Variants in ATP8A2 observed in about 807,000 individuals in gnomAD.
ATP8A2 encodes ATPase phospholipid transporting 8A2, also known as phospholipid-transporting ATPase IB.
A neutral mutation model predicts 165.6 loss-of-function variants in ATP8A2; 100 were observed. That is an observed-to-expected ratio of 0.60 (90% CI 0.51 to 0.71). ATP8A2 has a LOEUF of 0.71. Among genes scored for constraint, ATP8A2 ranks in the 30% least tolerant of loss-of-function variants. The pLI, the probability that ATP8A2 is intolerant of heterozygous loss-of-function variation, is 0.00. For synonymous variants in ATP8A2, 543 were observed against 548.8 expected, an observed-to-expected ratio of 0.99 and a Z score of 0.15; for missense variants, 1,227 against 1,479.5, an observed-to-expected ratio of 0.83 and a Z score of 2.80.
chr13:25,378,365 G>A (rs1188066698), intron 1 of ATP8A2, among the ~76,000 whole-genome samples: 1 of 130,554 alleles, frequency 7.7e-6, no homozygotes, highest in African/African-American at 2.9e-5. Context: ...TTTTTTTTTT[G>A]TAATCATTAG....
At chr13:25,719,147 C>T (rs773842968) in intron 25 of ATP8A2, among the ~76,000 whole-genome samples, 2 of 152,164 alleles carry the variant, frequency 1.3e-5, no homozygotes, top group African/African-American at 2.4e-5. Context: ...TTCCGTGATC[C>T]GGCTCTATGC....
At chr13:25,871,378 G>A (rs867885346) in intron 33 of ATP8A2, among the ~76,000 whole-genome samples, 1 of 152,120 alleles carries the variant, frequency 6.6e-6, no homozygotes, top group Admixed American at 6.6e-5. Context: ...GAGGGAGGTG[G>A]CCTTGTCTGA....
intron 1 of ATP8A2, among the ~76,000 whole-genome samples, chr13:25,407,119 T>C (rs1374320111): frequency 6.6e-6 from 1 of 152,208 alleles, no homozygotes; most frequent in African/African-American, 2.4e-5. Context: ...GTGATGATAT[T>C]CTCAGTGTCC....
intron 30 of ATP8A2, among the ~76,000 whole-genome samples, chr13:25,847,799 C>G (rs1951903522): frequency 6.6e-6 from 1 of 152,144 alleles, no homozygotes; most frequent in African/African-American, 2.4e-5. Context: ...CTGAAGTTAG[C>G]AAATGCCTCC....
At chr13:25,630,980 G>A (rs1203829137) in intron 24 of ATP8A2, among the ~76,000 whole-genome samples, 1 of 152,170 alleles carries the variant, frequency 6.6e-6, no homozygotes, top group Non-Finnish European at 1.5e-5. Flanking sequence ...ATAGGTTTCA[G>A]TGTGAAATAA....
chr13:25,630,233 G>A (rs2041207895), intron 24 of ATP8A2, among the ~76,000 whole-genome samples: 1 of 152,142 alleles, frequency 6.6e-6, no homozygotes, highest in African/African-American at 2.4e-5. Context: ...TGGCCTTGAA[G>A]TGATTCTAGT....
chr13:25,894,645 T>C (rs572431817), intron 33 of ATP8A2, among the ~76,000 whole-genome samples: 8 of 152,368 alleles, frequency 5.3e-5, no homozygotes, highest in African/African-American at 1.9e-4. Flanking sequence ...ATTTTCATGA[T>C]ATTGATTCTT....
rs112841650 is a variant in ATP8A2 at position 25,577,163 on chromosome 13, G to A, written c.1782+25G>A. 3.7e-3 allele frequency: 5,949 copies of A among 1,600,848 alleles called. 203 individuals carry two copies. The African/African-American group carries it at 0.067, about 18-fold the overall frequency. ...TGTAAGTACCGGAGAAGCGTTGTGC[G>A]TAGCGGAGTTCTTGGCAGCTTTGTT... is the stretch of plus-strand genomic sequence containing the variant. On this transcript the variant is annotated intron_variant, in intron 20 of 36. Transcript: ENST00000381655.
chr13:25,536,308 G>T (rs894534058), intron 6 of ATP8A2, among the ~76,000 whole-genome samples: 13 of 150,354 alleles, frequency 8.6e-5, no homozygotes, highest in Admixed American at 3.3e-4. Context: ...TGAGATGGGG[G>T]TTTCACCATG....
In ATP8A2 at chr13:25,413,106, C is replaced by G. The variant is rs1035678755; in HGVS notation, c.76+40818C>G. Among the ~76,000 whole-genome samples, 12 of 152,226 alleles carry G rather than the reference C, an allele frequency of 7.9e-5. No individual in the cohort carries two copies. In the East Asian group the frequency reaches 2.3e-3, roughly 30 times the overall value. ...GTGCTGGGATTACAGGCGTGAGCCA[C>G]CGTGCTGGCCCTAAAGGGATCAGTT... On this transcript the variant is annotated intron_variant, in intron 1 of 36. Transcript: ENST00000381655.
intron 24 of ATP8A2, among the ~76,000 whole-genome samples, chr13:25,629,821 T>G (rs1279475758): frequency 1.3e-5 from 2 of 152,226 alleles, no homozygotes; most frequent in Non-Finnish European, 2.9e-5. Flanking sequence ...ATATACGGTG[T>G]AAATTGTTCT....
intron 25 of ATP8A2, among the ~76,000 whole-genome samples, chr13:25,744,721 T>G (rs1444461599): frequency 3.9e-5 from 6 of 152,198 alleles, no homozygotes; most frequent in Non-Finnish European, 7.3e-5. Context: ...AGACAGTGTT[T>G]GTAATAAAAA....
chr13:25,559,094 T>C (rs1310037718), intron 14 of ATP8A2, 33 bp downstream of exon 14: 2 of 1,400,862 alleles, frequency 1.4e-6, no homozygotes, highest in Non-Finnish European at 2.0e-6. Flanking sequence ...GAAAATTTAC[T>C]TGTATTCTTT....
rs1174243477 is a variant in ATP8A2 at position 25,465,663 on chromosome 13, T to TTTTCTTTCTTTC, written c.77-3249_77-3238dup. Among the ~76,000 whole-genome samples the TTTTCTTTCTTTC allele has an allele frequency of 5.8e-4, 50 of 86,450 alleles. 6 individuals are homozygous for TTTTCTTTCTTTC. Among genetic ancestry groups the TTTTCTTTCTTTC allele is most frequent in the South Asian group, 1.4e-3 (3 of 2,148 alleles). The allele number at this position is 86,450 out of a possible 152,430, so 56.7% of individuals were successfully genotyped here. A position where few individuals can be genotyped will look rare whatever the true frequency, so the allele number is the denominator to read the frequency against. ...TCACCTCCCCAGAAATCTTGCAGAG[T>TTTTCTTTCTTTC]TTTCTTTCTTTCTTTCTTTCTTTCT... On this transcript the variant is annotated intron_variant, in intron 1 of 36. Transcript: ENST00000381655.
chr13:25,622,090 C>T (rs1324082633), intron 24 of ATP8A2, among the ~76,000 whole-genome samples: 2 of 151,776 alleles, frequency 1.3e-5, no homozygotes, highest in African/African-American at 2.4e-5. Context: ...CCTGTAATCC[C>T]AGCTACTTGG....
At chr13:25,443,940 T>C (rs2034999956) in intron 1 of ATP8A2, among the ~76,000 whole-genome samples, 1 of 152,254 alleles carries the variant, frequency 6.6e-6, no homozygotes, top group Admixed American at 6.5e-5. Flanking sequence ...TAAATGTCTT[T>C]TATTTTTGAG....
rs568901513 is a variant in ATP8A2, at chr13:25,946,303, C to A, written c.3184-15272C>A. On this transcript the variant is annotated intron_variant, in intron 33 of 36. Coordinates refer to ENST00000381655, the MANE Select transcript of ATP8A2 (RefSeq NM_016529.6). ...CATCTCTCTCCTCCTGAGAGTCTCT[C>A]TCATACATCTCAAATCTGAGATACA... is the stretch of plus-strand genomic sequence containing the variant. Among the ~76,000 whole-genome samples the A allele has an allele frequency of 2.6e-5, 4 of 152,264 alleles. No homozygotes were observed. The South Asian group carries it at 6.2e-4, about 24-fold the overall frequency.
At chr13:26,011,546 A>G (rs1291728851) in intron 35 of ATP8A2, among the ~76,000 whole-genome samples, 5 of 152,114 alleles carry the variant, frequency 3.3e-5, no homozygotes, top group Non-Finnish European at 7.4e-5. Context: ...TCACTGGCAA[A>G]CTCCTGTAAT....
chr13:25,552,451 A>G (rs2038853424), intron 11 of ATP8A2, among the ~76,000 whole-genome samples: 1 of 152,190 alleles, frequency 6.6e-6, no homozygotes, highest in Admixed American at 6.5e-5. Context: ...AAGTTCAACA[A>G]TGCAATTTTA....
Sources: gnomAD v4.1 joint callset for allele counts (sites outside exome capture counted in the v4.1 genomes callset) on GRCh38, gnomAD v4.1.1 for gene constraint, MANE v1.5 for transcripts, NCBI Gene and HGNC (gene_info 2026-07-23, HGNC 2026-07-21) for gene names.